CEP85: variants seen among roughly 807,000 people sequenced by gnomAD.
CEP85 encodes centrosomal protein 85.
In CEP85, 58 loss-of-function variants were observed where a neutral mutation model predicts 93.7. The observed-to-expected ratio is 0.62, with a 90% CI of 0.50 to 0.77. The LOEUF (loss-of-function observed/expected upper bound fraction) is 0.77, where lower values mean the gene tolerates loss of function less well. CEP85 is among the 30% of genes least tolerant of loss of function. CEP85 has a pLI of 0.00. For synonymous variants in CEP85, 314 were observed against 338.6 expected, an observed-to-expected ratio of 0.93 and a Z score of 0.80; for missense variants, 868 against 922.0, an observed-to-expected ratio of 0.94 and a Z score of 0.76.
At position 26,255,627 on chromosome 1, in the gene CEP85, T is replaced by C; in HGVS notation, c.665T>C (p.Leu222Ser). The change falls in exon 4 of 14, where the codon TTG (leucine) becomes TCG (serine). Residue 222 changes from leucine (L) to serine (S), a missense_variant. By Grantham distance (145) the Leu-to-Ser change is moderately radical. Coordinates refer to ENST00000451429, the MANE Select transcript of CEP85 (RefSeq NM_001319944.2). ...TSTSKELYRV[L>S]PEAKKAPGSG... ...ACAAGTAAGGAGTTGTACAGAGTGTTGCCTGAGGCCAAGAAGGCACCGGGC... is the reference window on the plus strand; with the variant it reads ...ACAAGTAAGGAGTTGTACAGAGTGTCGCCTGAGGCCAAGAAGGCACCGGGC... The C allele has an allele frequency of 6.2e-7, 1 of 1,614,044 alleles. No homozygotes were observed. Among genetic ancestry groups the C allele is most frequent in the Non-Finnish European group, 8.5e-7 (1 of 1,180,006 alleles).
Position 26,244,139 on chromosome 1 carries a change from A to G in CEP85, c.56-27A>G, listed in dbSNP as rs372664199. 1.6e-5 allele frequency: 26 copies of G among 1,608,538 alleles called. No homozygotes were observed. The African/African-American group carries it at 3.3e-4, about 21-fold the overall frequency. On this transcript the variant is annotated intron_variant, in intron 2 of 13. Transcript: ENST00000451429. Reference sequence around the variant, plus strand: ...GGGGTTACATCAGCTGGTTCACAGTAAAGGTGGGAAATGCCTCTTGTTTCA... The same window carrying G: ...GGGGTTACATCAGCTGGTTCACAGTGAAGGTGGGAAATGCCTCTTGTTTCA...
At chr1:26,251,465 G>A (rs1028462671) in intron 3 of CEP85, among the ~76,000 whole-genome samples, 1 of 151,758 alleles carries the variant, frequency 6.6e-6, no homozygotes, top group Non-Finnish European at 1.5e-5. Context: ...TGATCAGGCT[G>A]GTCTCAAACT....
At chr1:26,257,559 G>A in intron 4 of CEP85, 38 bp from the exon 5 acceptor site, 1 of 1,611,788 alleles carries the variant, frequency 6.2e-7, no homozygotes, top group Non-Finnish European at 8.5e-7. Flanking sequence ...GCGTGTATGG[G>A]TCAAGATCAA....
chr1:26,253,682 G>A (rs910532020), intron 3 of CEP85, among the ~76,000 whole-genome samples: 88 of 151,734 alleles, frequency 5.8e-4, no homozygotes, highest in African/African-American at 2.0e-3. Context: ...GAGCCACTGC[G>A]CCCGGCCTCA....
intron 2 of CEP85, among the ~76,000 whole-genome samples, chr1:26,243,493 A>G (rs544104204): frequency 3.3e-5 from 5 of 152,202 alleles, no homozygotes; most frequent in Non-Finnish European, 7.4e-5. Flanking sequence ...GGATTCAAAT[A>G]TCAGCCCTCC....
rs1430366389 is a variant in CEP85, at chr1:26,269,576, G to A, written c.1611G>A (p.Leu537=). The A allele has an allele frequency of 6.2e-7, 1 of 1,613,972 alleles. No individual in the cohort carries two copies. The highest frequency in any genetic ancestry group is 2.2e-5 in the East Asian group (1 of 44,890). The change falls in exon 9 of 14, where the codon CTG becomes CTA. Residue 537 remains leucine (L), a synonymous_variant. Transcript: ENST00000451429. ...AGAAGGAGATTCAACTGGAAAGCCTGAGGCAGAGAGAAGCAGAATTCTCCT... is the reference window on the plus strand; with the variant it reads ...AGAAGGAGATTCAACTGGAAAGCCTAAGGCAGAGAGAAGCAGAATTCTCCT... The part of the protein sequence containing the change: ...CREKEIQLES[L]RQREAEFSSA...
chr1:26,249,345 G>C (rs2089567000), intron 3 of CEP85, among the ~76,000 whole-genome samples: 1 of 152,272 alleles, frequency 6.6e-6, no homozygotes, highest in African/African-American at 2.4e-5. Flanking sequence ...GCCTCTCAAA[G>C]TGTTGGGATT....
chr1:26,262,715 TTAAA>T (rs2089831065), intron 7 of CEP85, among the ~76,000 whole-genome samples: 1 of 152,192 alleles, frequency 6.6e-6, no homozygotes, highest in Non-Finnish European at 1.5e-5. Context: ...CAACACACTC[TTAAA>T]TAAAGGCCAA....
At position 26,255,353 on chromosome 1, in the gene CEP85, A is replaced by G. The variant is rs1419946982; in HGVS notation, c.391A>G (p.Arg131Gly). The change falls in exon 4 of 14, where the codon AGA becomes GGA. Residue 131 changes from arginine (R) to glycine (G), a missense_variant. By Grantham distance (125) the Arg-to-Gly change is moderately radical (BLOSUM62 -2). Transcript: ENST00000451429. ...GTTGGCTGAAAGTGTGGGAATGACA[A>G]GAAATGGAGACCTCGGTGCAATGAA... ...SGLAESVGMT[R>G]NGDLGAMKHS... 6.2e-6 allele frequency: 10 copies of G among 1,614,196 alleles called. No individual in the cohort carries two copies. Among genetic ancestry groups the G allele is most frequent in the Non-Finnish European group, 8.5e-6 (10 of 1,180,044 alleles).
At chr1:26,241,445 C>T (rs2089424217) in intron 2 of CEP85, among the ~76,000 whole-genome samples, 2 of 151,862 alleles carry the variant, frequency 1.3e-5, no homozygotes, top group South Asian at 4.1e-4. Context: ...GGGGTTTCAC[C>T]ATGTTAGCCA....
At chr1:26,252,533 C>T (rs2089635725) in intron 3 of CEP85, among the ~76,000 whole-genome samples, 1 of 152,192 alleles carries the variant, frequency 6.6e-6, no homozygotes, top group East Asian at 1.9e-4. Flanking sequence ...ATTCCGGCTC[C>T]AAAAAATAAA....
In CEP85 at chr1:26,258,271, G is replaced by C. The variant is rs1298117318; in HGVS notation, c.1155+11G>C. On this transcript the variant is annotated intron_variant, in intron 6 of 13. Transcript: ENST00000451429. ...TTGCTGAGGCTACAGGTAAGTATTG[G>C]CCATCAGGATGGCATTCTGTTTGTC... The C allele has an allele frequency of 6.4e-7, 1 of 1,562,862 alleles. No homozygotes were observed. Among genetic ancestry groups the C allele is most frequent in the Admixed American group, 1.7e-5 (1 of 59,842 alleles).
At chr1:26,261,945 C>T (rs1009749705) in intron 7 of CEP85, among the ~76,000 whole-genome samples, 1 of 151,854 alleles carries the variant, frequency 6.6e-6, no homozygotes, top group African/African-American at 2.4e-5. Context: ...CCAAGGCAGG[C>T]GAATCACTTG....
intron 1 of CEP85, among the ~76,000 whole-genome samples, chr1:26,238,999 TG>T (rs1050878607): frequency 7.9e-5 from 12 of 152,248 alleles, no homozygotes; most frequent in Admixed American, 5.9e-4. Flanking sequence ...TTGAGGAATT[TG>T]TTTTGTGTTA....
chr1:26,277,567 C>A lies in CEP85; in HGVS notation c.*274C>A. 1 of 318,344 alleles carries A rather than the reference C, an allele frequency of 3.1e-6. No homozygotes were observed. 19.7% of individuals were successfully genotyped at this position (318,344 alleles called of 1,614,324 possible). On this transcript the variant is annotated 3_prime_UTR_variant, in exon 14 of 14. Transcript: ENST00000451429. ...ATAAGTCCTCACAAACTGTTCCCAG[C>A]CCTAGGCTGACATGAGAGACGAACA... is the stretch of plus-strand genomic sequence containing the variant.
chr1:26,267,139 G>A (rs72649340), intron 7 of CEP85, among the ~76,000 whole-genome samples: 2,361 of 152,290 alleles, frequency 0.016, 23 homozygotes, highest in Non-Finnish European at 0.023. Context: ...GGGTCTTCAG[G>A]CCACCCGTAT....
At chr1:26,272,930 A>G (rs918330119) in intron 11 of CEP85, among the ~76,000 whole-genome samples, 16 of 151,918 alleles carry the variant, frequency 1.1e-4, no homozygotes, top group Admixed American at 9.2e-4. Context: ...TGCCCAGCCT[A>G]TTACAGCATG....
chr1:26,264,745 T>C (rs2089867067), intron 7 of CEP85, among the ~76,000 whole-genome samples: 1 of 152,120 alleles, frequency 6.6e-6, no homozygotes, highest in Non-Finnish European at 1.5e-5. Flanking sequence ...AGGAATGCTT[T>C]TTAGCCTTTG....
At chr1:26,250,925 C>CT (rs71581048) in intron 3 of CEP85, among the ~76,000 whole-genome samples, 950 of 55,100 alleles carry the variant, frequency 0.017, 116 homozygotes, top group East Asian at 0.087. Context: ...TTTTTTTTTT[C>CT]TTTTTTCTTT....
Sources: allele counts gnomAD v4.1 joint callset (sites outside exome capture counted in the v4.1 genomes callset), GRCh38; gene constraint gnomAD v4.1.1; transcripts MANE v1.5; gene names NCBI Gene and HGNC (gene_info 2026-07-23, HGNC 2026-07-21).